FBXO42: variants seen among roughly 807,000 people sequenced by gnomAD.
The protein encoded by FBXO42 is F-box protein 42.
A neutral mutation model predicts 71.7 loss-of-function variants in FBXO42; 12 were observed. The ratio of observed to expected loss-of-function variants is 0.17; its 90% CI spans 0.11 to 0.27. The LOEUF is 0.27. Among genes scored for constraint, FBXO42 ranks in the 10% least tolerant of loss-of-function variants. The pLI is 1.00. For missense variants in FBXO42, 707 were observed against 911.9 expected (o/e 0.78, Z 2.89); for synonymous variants, 325 against 327.5 (o/e 0.99, Z 0.08).
chr1:16,315,942 G>A lies in FBXO42; in HGVS notation c.-17-507C>T, dbSNP rs141023953. 9.9e-3 allele frequency among the ~76,000 whole-genome samples: 1,503 copies of A among 151,912 alleles called. 14 individuals are homozygous for A. The highest frequency in any genetic ancestry group is 0.014 in the Non-Finnish European group (943 of 67,942). On this transcript the variant is annotated intron_variant, in intron 1 of 9. Transcript: ENST00000375592. ...TCCCAGCACTTTGGGAGACCGAGGC[G>A]GGCAGATCACCTGAAGTTGGGAGTT...
intron 2 of FBXO42, among the ~76,000 whole-genome samples, chr1:16,311,607 TA>T (rs2100569692): frequency 6.7e-6 from 1 of 150,328 alleles, no homozygotes; most frequent in Non-Finnish European, 1.5e-5. Context: ...GGGTAACACA[TA>T]AGCGCATGAA....
chr1:16,324,185 C>T (rs1215723646), intron 1 of FBXO42, among the ~76,000 whole-genome samples: 1 of 151,982 alleles, frequency 6.6e-6, no homozygotes, highest in Non-Finnish European at 1.5e-5. Context: ...TACCTTACTC[C>T]GTGCATTCAA....
intron 1 of FBXO42, among the ~76,000 whole-genome samples, chr1:16,329,040 G>A (rs2082473719): frequency 1.3e-5 from 2 of 151,618 alleles, no homozygotes. Flanking sequence ...GCGGGTGCCT[G>A]TAATCCCAGC....
chr1:16,261,566 A>C (rs920888372), intron 4 of FBXO42, among the ~76,000 whole-genome samples: 2 of 152,168 alleles, frequency 1.3e-5, no homozygotes, highest in African/African-American at 4.8e-5. Flanking sequence ...AAGTTAAATC[A>C]ATTGTATACC....
chr1:16,281,899 C>G (rs2081967476), intron 4 of FBXO42, among the ~76,000 whole-genome samples: 1 of 151,886 alleles, frequency 6.6e-6, no homozygotes, highest in Admixed American at 6.6e-5. Flanking sequence ...TCAAGTGATC[C>G]TCCTGACCTC....
At chr1:16,284,557 C>T (rs928951320) in intron 4 of FBXO42, among the ~76,000 whole-genome samples, 1 of 152,142 alleles carries the variant, frequency 6.6e-6, no homozygotes, top group African/African-American at 2.4e-5. Flanking sequence ...ACGAGCTGGG[C>T]GTGGCAGCTC....
chr1:16,292,359 C>T (rs1189363798), intron 4 of FBXO42: 1 of 152,140 alleles, frequency 6.6e-6, no homozygotes, highest in African/African-American at 2.4e-5. Flanking sequence ...CTCACTCTCG[C>T]CTAGGCGTCT....
intron 4 of FBXO42, among the ~76,000 whole-genome samples, chr1:16,263,719 G>A (rs866228157): frequency 3.6e-5 from 5 of 140,608 alleles, no homozygotes; most frequent in South Asian, 2.5e-4. Flanking sequence ...GCGAAACTCC[G>A]TCTCAAGGAA....
At chr1:16,324,906 T>A (rs532502274) in intron 1 of FBXO42, among the ~76,000 whole-genome samples, 26 of 152,204 alleles carry the variant, frequency 1.7e-4, no homozygotes, top group African/African-American at 4.8e-4. Context: ...CATTGTCAAA[T>A]TATTGTAACT....
In FBXO42 at chr1:16,305,838, T is replaced by C; in HGVS notation, c.332A>G (p.Tyr111Cys). 1 of 1,614,070 alleles carries C rather than the reference T, an allele frequency of 6.2e-7. No homozygotes were observed. Reference sequence around the variant, plus strand: ...GCGCTGAGTGATTGGGGTTCCAGGATAAGGATAGGTACGGCTCTCCCACTG... The same window carrying C: ...GCGCTGAGTGATTGGGGTTCCAGGACAAGGATAGGTACGGCTCTCCCACTG... ...NIQWESRTYP[Y>C]PGTPITQRFS... The change falls in exon 3 of 10, where the codon TAT becomes TGT. Residue 111 changes from tyrosine (Y) to cysteine (C), a missense_variant. This residue lies in a region of FBXO42 where 188 missense variants were observed against 230.5 expected (regional missense o/e 0.82). Coordinates refer to ENST00000375592, the MANE Select transcript of FBXO42 (RefSeq NM_018994.3).
chr1:16,277,883 A>G (rs771763054), intron 4 of FBXO42, among the ~76,000 whole-genome samples: 3 of 151,492 alleles, frequency 2.0e-5, no homozygotes, highest in Admixed American at 1.3e-4. Context: ...TCAACAAAAA[A>G]TTTAAAAAAT....
At chr1:16,325,245 C>T (rs986660294) in intron 1 of FBXO42, among the ~76,000 whole-genome samples, 1 of 151,996 alleles carries the variant, frequency 6.6e-6, no homozygotes, top group Non-Finnish European at 1.5e-5. Flanking sequence ...CCCAAAACAA[C>T]AACAACAAAA....
intron 4 of FBXO42, among the ~76,000 whole-genome samples, chr1:16,270,483 T>C (rs1216448690): frequency 6.6e-6 from 1 of 151,758 alleles, no homozygotes; most frequent in African/African-American, 2.4e-5. Flanking sequence ...TGGGGATGAA[T>C]TCATAAATAT....
At chr1:16,309,629 C>T (rs925770447) in intron 2 of FBXO42, among the ~76,000 whole-genome samples, 1 of 152,104 alleles carries the variant, frequency 6.6e-6, no homozygotes, top group Non-Finnish European at 1.5e-5. Context: ...GGCATGGTAG[C>T]TCACGCCTGT....
chr1:16,288,470 TAAAC>T (rs1473019809), intron 4 of FBXO42, among the ~76,000 whole-genome samples: 1 of 150,678 alleles, frequency 6.6e-6, no homozygotes, highest in African/African-American at 2.4e-5. Flanking sequence ...ATAATAATAA[TAAAC>T]AAATGTCAAA....
At chr1:16,283,493 A>AGTTTTTTTTTTTTT (rs2081986887) in intron 4 of FBXO42, among the ~76,000 whole-genome samples, 3 of 64,630 alleles carry the variant, frequency 4.6e-5, no homozygotes, top group South Asian at 4.4e-4. Context: ...AACTGTGGCA[A>AGTTTTTTTTTTTTT]GTTTTTTTTT....
At chr1:16,270,084 G>A (rs1186613128) in intron 4 of FBXO42, among the ~76,000 whole-genome samples, 1 of 151,988 alleles carries the variant, frequency 6.6e-6, no homozygotes, top group African/African-American at 2.4e-5. Flanking sequence ...TGGAACTCCT[G>A]AGCTCAAGTG....
intron 4 of FBXO42, among the ~76,000 whole-genome samples, chr1:16,287,216 T>C (rs1178395822): frequency 1.3e-5 from 2 of 152,186 alleles, no homozygotes; most frequent in Non-Finnish European, 2.9e-5. Context: ...CAACTCTGGG[T>C]CTTTGCACTG....
In FBXO42 at chr1:16,255,982, C is replaced by T. The variant is rs113648921; in HGVS notation, c.657-161G>A. Among the ~76,000 whole-genome samples, 750 of 152,320 alleles carry T rather than the reference C, an allele frequency of 4.9e-3. 2 individuals carry two copies. Among genetic ancestry groups the T allele is most frequent in the Admixed American group, 8.8e-3 (135 of 15,296 alleles). ...GCATAATGTATTTATGCCTTTCCTA[C>T]AAGTTTGCTTAAAGTTATCTTCTTT... On this transcript the variant is annotated intron_variant, in intron 5 of 9. Transcript: ENST00000375592.
Sources: allele counts gnomAD v4.1 joint callset (sites outside exome capture counted in the v4.1 genomes callset), GRCh38; gene constraint gnomAD v4.1.1; regional missense constraint gnomAD v4.1.1; transcripts MANE v1.5; gene names NCBI Gene and HGNC (gene_info 2026-07-23, HGNC 2026-07-21).